ARHGAP20: variants seen among roughly 807,000 people sequenced by gnomAD.
ARHGAP20 encodes the protein Rho GTPase activating protein 20.
In ARHGAP20, 34 loss-of-function variants were observed where a neutral mutation model predicts 73.7. That is an observed-to-expected ratio of 0.46 (90% CI 0.35 to 0.61). The LOEUF (loss-of-function observed/expected upper bound fraction) is 0.61, where lower values mean the gene tolerates loss of function less well. ARHGAP20 is among the 20% of genes least tolerant of loss of function. ARHGAP20 has a pLI of 0.00. For synonymous variants in ARHGAP20, 523 were observed against 518.2 expected (o/e 1.01, Z -0.13); for missense variants, 1,314 against 1,420.9 (o/e 0.92, Z 1.21).
At chr11:110,626,734 CT>C (rs796148399) in intron 3 of ARHGAP20, among the ~76,000 whole-genome samples, 130 of 145,094 alleles carry the variant, frequency 9.0e-4, no homozygotes, top group Middle Eastern at 7.1e-3. Flanking sequence ...CAATCTTTGG[CT>C]TTTTTTTTTT....
At position 110,586,328 on chromosome 11, in the gene ARHGAP20, T is replaced by TAAATAGATGGAAAAACAAATATTTC. The variant is rs778145804; in HGVS notation, c.1306-28_1306-4dup. On this transcript the variant is annotated splice_polypyrimidine_tract_variant and splice_region_variant and intron_variant, in intron 11 of 14. Transcript: ENST00000683387. Reference sequence around the variant, plus strand: ...CCTGGAATATTTCGCAGAAAATCCTTAAATAGATGGAAAAACAAATATTTC... The same window carrying TAAATAGATGGAAAAACAAATATTTC: ...CCTGGAATATTTCGCAGAAAATCCTTAAATAGATGGAAAAACAAATATTTCAAATAGATGGAAAAACAAATATTTC... The TAAATAGATGGAAAAACAAATATTTC allele has an allele frequency of 7.3e-6, 11 of 1,511,398 alleles. No homozygotes were observed. In the African/African-American group the frequency reaches 9.8e-5, roughly 13 times the overall value. 93.6% of individuals were successfully genotyped at this position (1,511,398 alleles called of 1,614,324 possible).
intron 2 of ARHGAP20, among the ~76,000 whole-genome samples, chr11:110,662,171 T>C (rs1357385040): frequency 1.3e-5 from 2 of 151,756 alleles, no homozygotes; most frequent in Admixed American, 1.3e-4. Context: ...GTTGCTTATA[T>C]CAAAAAGGTT....
intron 2 of ARHGAP20, among the ~76,000 whole-genome samples, chr11:110,639,486 G>C (rs1040191700): frequency 1.3e-5 from 2 of 151,514 alleles, no homozygotes; most frequent in African/African-American, 4.9e-5. Flanking sequence ...TTAGTACACT[G>C]ACAGTGTTGT....
chr11:110,707,464 G>T (rs1950570371), intron 1 of ARHGAP20, among the ~76,000 whole-genome samples: 1 of 152,100 alleles, frequency 6.6e-6, no homozygotes, highest in African/African-American at 2.4e-5. Context: ...TTCTTTGGAA[G>T]TGCCTCAGTG....
Position 110,577,628 on chromosome 11 carries a change from C to G in ARHGAP20, c.*1742G>C. ...ATACCAAAAAAGATGCATATGGACA[C>G]TTAGAAGTCTTAATATGTAGGACTG... On this transcript the variant is annotated 3_prime_UTR_variant, in exon 15 of 15. Coordinates refer to ENST00000683387, the MANE Select transcript of ARHGAP20 (RefSeq NM_001384657.1). The G allele has an allele frequency of 2.0e-6, 2 of 986,010 alleles. No homozygotes were observed. Among genetic ancestry groups the G allele is most frequent in the Non-Finnish European group, 2.4e-6 (2 of 830,086 alleles). 61.1% of individuals were successfully genotyped at this position (986,010 alleles called of 1,614,324 possible). A position where few individuals can be genotyped will look rare whatever the true frequency, so the allele number is the denominator to read the frequency against.
chr11:110,692,073 G>C (rs1950253685), intron 1 of ARHGAP20, among the ~76,000 whole-genome samples: 1 of 152,068 alleles, frequency 6.6e-6, no homozygotes, highest in African/African-American at 2.4e-5. Flanking sequence ...CAACACTGGT[G>C]ATTTCAATAA....
chr11:110,664,057 A>G (rs1018122565), intron 2 of ARHGAP20, among the ~76,000 whole-genome samples: 3 of 152,218 alleles, frequency 2.0e-5, no homozygotes, highest in African/African-American at 4.8e-5. Flanking sequence ...ATACTCATTC[A>G]TGATAAAAAG....
chr11:110,596,549 A>G (rs1947966898), intron 9 of ARHGAP20, among the ~76,000 whole-genome samples: 1 of 152,228 alleles, frequency 6.6e-6, no homozygotes, highest in Admixed American at 6.5e-5. Context: ...AATGCTCATC[A>G]TCACTGCCCA....
chr11:110,691,674 G>C (rs1950244919), intron 1 of ARHGAP20, among the ~76,000 whole-genome samples: 1 of 152,168 alleles, frequency 6.6e-6, no homozygotes, highest in Non-Finnish European at 1.5e-5. Flanking sequence ...AGAAGAGGAT[G>C]CTAGACTTCT....
At chr11:110,652,974 T>C (rs1949388377) in intron 2 of ARHGAP20, among the ~76,000 whole-genome samples, 1 of 152,140 alleles carries the variant, frequency 6.6e-6, no homozygotes, top group Admixed American at 6.5e-5. Flanking sequence ...GGGAAAAGGA[T>C]TACCTGTTTG....
chr11:110,694,980 T>C (rs547512565), intron 1 of ARHGAP20, among the ~76,000 whole-genome samples: 105 of 151,778 alleles, frequency 6.9e-4, no homozygotes, highest in Middle Eastern at 3.4e-3. Flanking sequence ...GCATTTGCTA[T>C]GGAACTAGAC....
At chr11:110,711,596 G>C (rs1233077560) in intron 1 of ARHGAP20, 2 of 1,482,698 alleles carry the variant, frequency 1.3e-6, no homozygotes, top group African/African-American at 2.9e-5. Flanking sequence ...CTATGGAGCA[G>C]CCGCGCCTCG....
At chr11:110,688,401 C>CTAAA (rs1376131038) in intron 2 of ARHGAP20, among the ~76,000 whole-genome samples, 15 of 152,066 alleles carry the variant, frequency 9.9e-5, no homozygotes, top group African/African-American at 3.6e-4. Flanking sequence ...TGATCTAAGG[C>CTAAA]TAAAGCTTCT....
intron 3 of ARHGAP20, among the ~76,000 whole-genome samples, chr11:110,625,099 G>C (rs1483160192): frequency 6.8e-6 from 1 of 148,014 alleles, no homozygotes; most frequent in African/African-American, 2.5e-5. Context: ...CTGCAGTGGC[G>C]CAATCTCGGC....
In ARHGAP20 at chr11:110,580,524, G is replaced by A. The variant is rs1947428197; in HGVS notation, c.2422C>T (p.Pro808Ser). Residue 808 changes from proline to serine, a missense_variant, in exon 15 of 15, where the codon CCT becomes TCT. Physicochemically the swap from Pro to Ser is moderately conservative, Grantham distance 74. Coordinates refer to ENST00000683387, the MANE Select transcript of ARHGAP20 (RefSeq NM_001384657.1). ...PVAISVASYS[P>S]MSSQDHSKNQ... ...TTGGAATGATCCTGTGAGGACATAG[G>A]ACTATAAGATGCCACAGAAATGGCC... 2 of 1,614,058 alleles carry A rather than the reference G, an allele frequency of 1.2e-6. No individual in the cohort carries two copies. Among genetic ancestry groups the A allele is most frequent in the Non-Finnish European group, 1.7e-6 (2 of 1,180,046 alleles).
rs773184242 is a variant in ARHGAP20 at position 110,606,583 on chromosome 11, C to T, written c.942G>A (p.Leu314=). Residue 314 remains leucine (L), a synonymous_variant, in exon 9 of 15, where the codon CTG becomes CTA. Coordinates refer to ENST00000683387, the MANE Select transcript of ARHGAP20 (RefSeq NM_001384657.1). ...CACCACTCAGTTGCTGGGCTGCAGC[C>T]AGGCGGCTGGGCTTCAGGATGAACT... ...QCQFILKPSR[L]AAAQQLSDSG... 13 of 1,610,240 alleles carry T rather than the reference C, an allele frequency of 8.1e-6. No individual in the cohort carries two copies. Among genetic ancestry groups the T allele is most frequent in the Middle Eastern group, 3.5e-4 (2 of 5,750 alleles).
chr11:110,704,737 CA>C (rs1950522190), intron 1 of ARHGAP20, among the ~76,000 whole-genome samples: 1 of 152,080 alleles, frequency 6.6e-6, no homozygotes, highest in Non-Finnish European at 1.5e-5. Context: ...TTGCCACTAC[CA>C]AATTGAGCAT....
intron 2 of ARHGAP20, among the ~76,000 whole-genome samples, chr11:110,633,655 G>T (rs1372379159): frequency 1.3e-5 from 2 of 152,156 alleles, no homozygotes; most frequent in Non-Finnish European, 2.9e-5. Context: ...TTCTACTCAT[G>T]ATATTCTCAA....
intron 9 of ARHGAP20, among the ~76,000 whole-genome samples, chr11:110,606,090 T>C (rs1298639187): frequency 6.6e-6 from 1 of 152,222 alleles, no homozygotes. Context: ...CATATTAGAT[T>C]AGTAGACTAA....
Sources: allele counts gnomAD v4.1 joint callset (sites outside exome capture counted in the v4.1 genomes callset), GRCh38; gene constraint gnomAD v4.1.1; transcripts MANE v1.5; gene names NCBI Gene and HGNC (gene_info 2026-07-23, HGNC 2026-07-21).